Variants in TRPM3 observed in about 807,000 individuals in gnomAD.
The protein encoded by TRPM3 is long transient receptor potential channel 3.
Under a neutral mutation model 181.2 loss-of-function variants are expected in TRPM3, and 77 were observed. The ratio of observed to expected loss-of-function variants is 0.42; its 90% CI spans 0.35 to 0.51. The LOEUF is 0.51. Ranked by LOEUF, TRPM3 falls within the 20% of genes least tolerant of loss-of-function variation. TRPM3 has a pLI of 0.01. For synonymous variants in TRPM3, 745 were observed against 796.4 expected (o/e 0.94, Z 1.09); for missense variants, 1,759 against 2,196.7 (o/e 0.80, Z 3.98).
intron 1 of TRPM3, among the ~76,000 whole-genome samples, chr9:71,341,713 A>C (rs116214262): frequency 0.023 from 3,439 of 151,946 alleles, 112 homozygotes; most frequent in African/African-American, 0.076. Context: ...AAATCAAATA[A>C]AATTTGTAAT....
At chr9:70,831,983 A>ATATATATT (rs1554730508) in intron 5 of TRPM3, among the ~76,000 whole-genome samples, 9,620 of 103,230 alleles carry the variant, frequency 0.093, 810 homozygotes, top group Non-Finnish European at 0.12. Flanking sequence ...ATATATATAT[A>ATATATATT]TATATATATA....
chr9:70,798,239 G>A (rs1317116105), intron 6 of TRPM3, among the ~76,000 whole-genome samples: 9 of 152,094 alleles, frequency 5.9e-5, no homozygotes, highest in Admixed American at 5.9e-4. Flanking sequence ...ATTTTGTGTA[G>A]AGACAGAGTT....
At chr9:71,099,996 T>C (rs919003703) in intron 1 of TRPM3, among the ~76,000 whole-genome samples, 9 of 152,168 alleles carry the variant, frequency 5.9e-5, no homozygotes, top group Non-Finnish European at 1.2e-4. Context: ...CTCTTATTTT[T>C]ACAATGAAAG....
intron 1 of TRPM3, among the ~76,000 whole-genome samples, chr9:71,283,434 C>G (rs1418345303): frequency 1.3e-5 from 2 of 151,990 alleles, no homozygotes; most frequent in Non-Finnish European, 2.9e-5. Flanking sequence ...GTAGCTGGGA[C>G]TACAGGCACC....
chr9:70,651,449 A>C (rs1165652764), intron 9 of TRPM3, among the ~76,000 whole-genome samples: 1 of 152,158 alleles, frequency 6.6e-6, no homozygotes, highest in East Asian at 1.9e-4. Context: ...TCCTGTAAGC[A>C]TGGCTTATCT....
At chr9:70,987,090 C>T (rs558389010) in intron 1 of TRPM3, among the ~76,000 whole-genome samples, 13 of 151,880 alleles carry the variant, frequency 8.6e-5, no homozygotes, top group East Asian at 3.9e-4. Context: ...TATAGGAATG[C>T]GTAATGTATT....
At chr9:70,824,307 T>A (rs1304701517) in intron 6 of TRPM3, 1 of 152,238 alleles carries the variant, frequency 6.6e-6, no homozygotes, top group Non-Finnish European at 1.5e-5. Context: ...TGTTTCATTT[T>A]CAGGAAATTG....
chr9:71,123,267 T>C (rs908728015), upstream of TRPM3, among the ~76,000 whole-genome samples: 1 of 152,226 alleles, frequency 6.6e-6, no homozygotes, highest in Admixed American at 6.5e-5. Flanking sequence ...CAGCATTTCT[T>C]TCAGATTATT....
intron 1 of TRPM3, among the ~76,000 whole-genome samples, chr9:71,135,529 C>A (rs943328380): frequency 6.6e-6 from 1 of 152,138 alleles, no homozygotes; most frequent in African/African-American, 2.4e-5. Context: ...AAGATTAGTT[C>A]CACTGAGTCT....
intron 25 of TRPM3, among the ~76,000 whole-genome samples, chr9:70,544,283 T>C (rs116883293): frequency 7.4e-4 from 113 of 152,268 alleles, no homozygotes; most frequent in Non-Finnish European, 1.3e-3. Context: ...GGCTCAGTAG[T>C]AGGTAATTAA....
chr9:70,964,409 T>C (rs1009111698), intron 1 of TRPM3, among the ~76,000 whole-genome samples: 2 of 152,050 alleles, frequency 1.3e-5, no homozygotes, highest in African/African-American at 4.8e-5. Context: ...GTGGCAGAAA[T>C]GTGTTACTGA....
chr9:71,194,710 C>T (rs1326992572), intron 1 of TRPM3, among the ~76,000 whole-genome samples: 2 of 151,784 alleles, frequency 1.3e-5, no homozygotes, highest in African/African-American at 4.8e-5. Flanking sequence ...AATACACATA[C>T]ATTGGAAAAT....
intron 25 of TRPM3, among the ~76,000 whole-genome samples, chr9:70,539,227 G>A (rs1416404175): frequency 6.6e-6 from 1 of 152,124 alleles, no homozygotes; most frequent in Non-Finnish European, 1.5e-5. Flanking sequence ...CTTCTATTAG[G>A]GAAGCACATA....
At chr9:71,108,957 C>T (rs1458717402) in intron 1 of TRPM3, among the ~76,000 whole-genome samples, 1 of 152,160 alleles carries the variant, frequency 6.6e-6, no homozygotes, top group Non-Finnish European at 1.5e-5. Context: ...AATTGGCAGA[C>T]ATTGAGTAAA....
At chr9:70,624,641 T>G (rs2064202840) in intron 14 of TRPM3, among the ~76,000 whole-genome samples, 1 of 152,322 alleles carries the variant, frequency 6.6e-6, no homozygotes, top group South Asian at 2.1e-4. Context: ...TCATATATTT[T>G]TGTGGGGTCA....
chr9:71,301,784 A>G (rs1032756743), intron 1 of TRPM3, among the ~76,000 whole-genome samples: 4 of 152,138 alleles, frequency 2.6e-5, no homozygotes, highest in African/African-American at 7.2e-5. Context: ...TATTATTATT[A>G]TAAGAACTGT....
chr9:70,849,419 A>G (rs1156462583), intron 3 of TRPM3, among the ~76,000 whole-genome samples: 1 of 152,196 alleles, frequency 6.6e-6, no homozygotes, highest in East Asian at 1.9e-4. Flanking sequence ...TGCTGGGAGT[A>G]CAGGCGTGAG....
intron 1 of TRPM3, among the ~76,000 whole-genome samples, chr9:70,959,457 A>G (rs1472652285): frequency 6.7e-6 from 1 of 148,602 alleles, no homozygotes; most frequent in Admixed American, 6.7e-5. Flanking sequence ...TAACAAAGAG[A>G]AAAAAAAAAG....
At chr9:71,101,330 C>T (rs2068335661) in intron 1 of TRPM3, among the ~76,000 whole-genome samples, 1 of 152,146 alleles carries the variant, frequency 6.6e-6, no homozygotes. Flanking sequence ...AAACAAATCA[C>T]TCAACCCAAG....
Sources: allele counts gnomAD v4.1 joint callset (sites outside exome capture counted in the v4.1 genomes callset), GRCh38; gene constraint gnomAD v4.1.1; transcripts MANE v1.5; gene names NCBI Gene and HGNC (gene_info 2026-07-23, HGNC 2026-07-21).